HMGCS2: variants seen among roughly 807,000 people sequenced by gnomAD.
The protein encoded by HMGCS2 is hydroxymethylglutaryl-CoA synthase, mitochondrial.
Under a neutral mutation model 57.4 loss-of-function variants are expected in HMGCS2, and 50 were observed. The ratio of observed to expected loss-of-function variants is 0.87; its 90% CI spans 0.69 to 1.10. The LOEUF (loss-of-function observed/expected upper bound fraction) is 1.10, where lower values mean the gene tolerates loss of function less well. Ranked by LOEUF, HMGCS2 falls within the 50% of genes least tolerant of loss-of-function variation. The pLI, the probability that HMGCS2 is intolerant of heterozygous loss-of-function variation, is 0.00. For missense variants in HMGCS2, 627 were observed against 636.5 expected, an observed-to-expected ratio of 0.99 and a Z score of 0.16; for synonymous variants, 254 against 245.1, an observed-to-expected ratio of 1.04 and a Z score of -0.34.
At chr1:119,766,363 C>T (rs61787148) in intron 1 of HMGCS2, among the ~76,000 whole-genome samples, 2,370 of 152,256 alleles carry the variant, frequency 0.016, 29 homozygotes, top group Middle Eastern at 0.037. Flanking sequence ...AAATTTAGCT[C>T]CATTCTACGG....
At chr1:119,750,990 C>G (rs948457364) in intron 8 of HMGCS2, 82 bp from the exon 9 acceptor site, 9 of 842,592 alleles carry the variant, frequency 1.1e-5, no homozygotes, top group Non-Finnish European at 1.8e-5. Context: ...AGATGTCTGC[C>G]CCTTCACAGT....
intron 8 of HMGCS2, among the ~76,000 whole-genome samples, chr1:119,751,164 A>G (rs979983454): frequency 6.6e-6 from 1 of 152,152 alleles, no homozygotes. Context: ...ACATTTTCCT[A>G]CAGTAAACAT....
Position 119,753,302 on chromosome 1 carries a change from T to G in HMGCS2, c.1272A>C (p.Arg424=). 1 of 1,612,666 alleles carries G rather than the reference T, an allele frequency of 6.2e-7. No individual in the cohort carries two copies. Among genetic ancestry groups the G allele is most frequent in the Non-Finnish European group, 8.5e-7 (1 of 1,179,064 alleles). ...CACCTGGAGCAGCATCCTGGGATAC[T>G]CGAAATGAAAAGAAACTTGCTGCTA... ...SGLAASFFSF[R]VSQDAAPGSP... is the part of the protein sequence containing the mutation. Residue 424 remains arginine (R), a synonymous_variant, in exon 7 of 10, where the codon CGA becomes CGC. Transcript: ENST00000369406.
At chr1:119,759,747 C>T in intron 3 of HMGCS2, 117 bp downstream of exon 3, 1 of 1,276,692 alleles carries the variant, frequency 7.8e-7, no homozygotes. Flanking sequence ...TAGAGGCAAG[C>T]AATACCATCC....
intron 3 of HMGCS2, 43 bp from the exon 4 acceptor site, chr1:119,759,325 C>T (rs1557991894): frequency 1.3e-6 from 2 of 1,590,606 alleles, no homozygotes; most frequent in Non-Finnish European, 1.7e-6. Flanking sequence ...CACAATGCAG[C>T]CTACCTTGAG....
At chr1:119,752,810 C>T in intron 7 of HMGCS2, 136 bp from the exon 8 acceptor site, 1 of 964,828 alleles carries the variant, frequency 1.0e-6, no homozygotes, top group Non-Finnish European at 1.7e-6. Flanking sequence ...GCTTAGAATA[C>T]CAAGAAATGA....
Position 119,764,174 on chromosome 1 carries a change from T to C in HMGCS2, c.557A>G (p.Asp186Gly), listed in dbSNP as rs778262961. 1.2e-6 allele frequency: 2 copies of C among 1,612,896 alleles called. No individual in the cohort carries two copies. Among genetic ancestry groups the C allele is most frequent in the East Asian group, 2.2e-5 (1 of 44,878 alleles). The change falls in exon 2 of 10, where the codon GAT (aspartate) becomes GGT (glycine). Residue 186 changes from aspartate (D) to glycine (G), a missense_variant and splice_region_variant. Physicochemically the swap from Asp to Gly is moderately conservative, Grantham distance 94. Transcript: ENST00000369406. Reference protein sequence around the residue: ...AANWMESSSWDGRYAMVVCGD... With the variant: ...AANWMESSSWGGRYAMVVCGD... ...ATAAGGTTCGTGGCCGTACATACCATCCCAGGAACTGGACTCCATCCAGTT... is the reference window on the plus strand; with the variant it reads ...ATAAGGTTCGTGGCCGTACATACCACCCCAGGAACTGGACTCCATCCAGTT...
chr1:119,765,695 A>T (rs1190181201), intron 1 of HMGCS2, among the ~76,000 whole-genome samples: 1 of 152,228 alleles, frequency 6.6e-6, no homozygotes, highest in Non-Finnish European at 1.5e-5. Context: ...ATAAGCCCTT[A>T]TAGGGCATAA....
At position 119,761,521 on chromosome 1, in the gene HMGCS2, T is replaced by C. The variant is rs112064299; in HGVS notation, c.560-1532A>G. Among the ~76,000 whole-genome samples, 33 of 152,102 alleles carry C rather than the reference T, an allele frequency of 2.2e-4. 1 individual carries two copies. The highest frequency in any genetic ancestry group is 6.5e-4 in the African/African-American group (27 of 41,498). ...TGGCTCACGCCTGTAATCCCAGCGATTGGGGAGGCCGAGGCAGGAGGATTG... is the reference window on the plus strand; with the variant it reads ...TGGCTCACGCCTGTAATCCCAGCGACTGGGGAGGCCGAGGCAGGAGGATTG... On this transcript the variant is annotated intron_variant, in intron 2 of 9. Coordinates refer to ENST00000369406, the MANE Select transcript of HMGCS2 (RefSeq NM_005518.4).
At chr1:119,751,521 C>T (rs969864740) in intron 8 of HMGCS2, among the ~76,000 whole-genome samples, 2 of 151,652 alleles carry the variant, frequency 1.3e-5, no homozygotes, top group African/African-American at 2.4e-5. Context: ...TGCCACCACA[C>T]TCGGCTAATT....
chr1:119,753,423 AC>A lies in HMGCS2; in HGVS notation c.1188-38del. 2.5e-6 allele frequency: 2 copies of A among 794,686 alleles called. 1 individual carries two copies. The highest frequency in any genetic ancestry group is 2.8e-5 in the South Asian group (2 of 71,516). The allele number at this position is 794,686 out of a possible 1,614,324, so 49.2% of individuals were successfully genotyped here. On this transcript the variant is annotated intron_variant, in intron 6 of 9. Coordinates refer to ENST00000369406, the MANE Select transcript of HMGCS2 (RefSeq NM_005518.4). The stretch of plus-strand genomic sequence containing the variant: ...GAAATCAAATAAAACACACACACAC[AC>A]ACACACACACACACACACACACATA...
rs757188613 is a variant in HMGCS2 at position 119,768,818 on chromosome 1, C to T, written c.27G>A (p.Lys9=). The change falls in exon 1 of 10, where the codon AAG becomes AAA. Residue 9 remains lysine, a synonymous_variant. Coordinates refer to ENST00000369406, the MANE Select transcript of HMGCS2 (RefSeq NM_005518.4). The stretch of plus-strand genomic sequence containing the variant: ...CCGCTCTTGTCAGTTGCAGAATGCG[C>T]TTCACTGGAGTCAACAGACGCTGCA... MQRLLTPV[K]RILQLTRAVQ... The T allele has an allele frequency of 3.1e-6, 5 of 1,614,030 alleles. No individual in the cohort carries two copies. The highest frequency in any genetic ancestry group is 3.4e-6 in the Non-Finnish European group (4 of 1,179,940).
At chr1:119,750,700 C>A (rs948405232) in intron 9 of HMGCS2, 97 bp downstream of exon 9, 3 of 773,022 alleles carry the variant, frequency 3.9e-6, no homozygotes, top group Non-Finnish European at 4.6e-6. Flanking sequence ...ATTAAACTTT[C>A]TTCTCCCTGC....
At position 119,755,531 on chromosome 1, in the gene HMGCS2, CT is replaced by C. The variant is rs1652807640; in HGVS notation, c.1082del (p.Gln361ArgfsTer56). 6.2e-7 allele frequency: 1 copy of C among 1,613,960 alleles called. No individual in the cohort carries two copies. The highest frequency in any genetic ancestry group is 1.3e-5 in the African/African-American group (1 of 74,878). The stretch of plus-strand genomic sequence containing the variant: ...CCTTGGTTTTCTTGTCGAACATGTC[CT>C]GAGAGGCCTTTAGAAGTGCTTTATC... ...DLDKALLKAS[Q>X]DMFDKKTKAS... On this transcript the variant is annotated frameshift_variant, in exon 6 of 10. Transcript: ENST00000369406. LOFTEE classifies it high-confidence loss of function.
chr1:119,767,337 C>T (rs1295521096), intron 1 of HMGCS2, among the ~76,000 whole-genome samples: 1 of 152,130 alleles, frequency 6.6e-6, no homozygotes, highest in African/African-American at 2.4e-5. Flanking sequence ...TGAGGCAAAC[C>T]TTGATGGATG....
chr1:119,765,011 TAAC>T (rs935824018), intron 1 of HMGCS2, among the ~76,000 whole-genome samples: 2 of 152,244 alleles, frequency 1.3e-5, no homozygotes, highest in African/African-American at 4.8e-5. Flanking sequence ...TTAATAAGTC[TAAC>T]AATAGTGGTG....
At chr1:119,764,151 A>C in intron 2 of HMGCS2, 21 bp downstream of exon 2, 1 of 1,607,762 alleles carries the variant, frequency 6.2e-7, no homozygotes, top group Non-Finnish European at 8.5e-7. Flanking sequence ...TTTCTTACAT[A>C]AGGTTCGTGG....
At position 119,759,254 on chromosome 1, in the gene HMGCS2, C is replaced by T. The variant is rs1419921025; in HGVS notation, c.714G>A (p.Val238=). ...CCAAATTTGGTTTGTAGAAGTCATACACATTCTCCATATGGGTTCCCCTCA... is the reference window on the plus strand; with the variant it reads ...CCAAATTTGGTTTGTAGAAGTCATATACATTCTCCATATGGGTTCCCCTCA... ...RGLRGTHMEN[V]YDFYKPNLAS... Residue 238 remains valine (V), a synonymous_variant, in exon 4 of 10, where the codon GTG becomes GTA. Transcript: ENST00000369406. The T allele has an allele frequency of 4.3e-6, 7 of 1,613,908 alleles. No homozygotes were observed. Among genetic ancestry groups the T allele is most frequent in the Non-Finnish European group, 5.1e-6 (6 of 1,179,922 alleles).
At chr1:119,757,053 T>A (rs1024326152) in intron 5 of HMGCS2, among the ~76,000 whole-genome samples, 2 of 152,174 alleles carry the variant, frequency 1.3e-5, no homozygotes, top group Non-Finnish European at 2.9e-5. Flanking sequence ...GATCCTGCAG[T>A]GCTGCCAAAT....
Sources: gnomAD v4.1 joint callset for allele counts (sites outside exome capture counted in the v4.1 genomes callset) on GRCh38, gnomAD v4.1.1 for gene constraint, MANE v1.5 for transcripts, NCBI Gene and HGNC (gene_info 2026-07-23, HGNC 2026-07-21) for gene names.